The following PARVA variants were observed in gnomAD, a reference collection of about 807,000 sequenced individuals.
The protein encoded by PARVA is parvin alpha.
Under a neutral mutation model 52.6 loss-of-function variants are expected in PARVA, and 25 were observed. The observed-to-expected ratio is 0.48, with a 90% confidence interval of 0.35 to 0.66. The LOEUF (loss-of-function observed/expected upper bound fraction) is 0.66. PARVA is among the 30% of genes least tolerant of loss of function. The pLI is 0.01. For synonymous variants in PARVA, 185 were observed against 179.1 expected (o/e 1.03, Z -0.26); for missense variants, 373 against 450.9 (o/e 0.83, Z 1.56).
chr11:12,431,179 C>G (rs1940309936), intron 1 of PARVA, among the ~76,000 whole-genome samples: 1 of 152,196 alleles, frequency 6.6e-6, no homozygotes, highest in South Asian at 2.1e-4. Context: ...GTTTCCCATC[C>G]TGTGTAGGCA....
chr11:12,484,507 GT>G (rs1564859262), intron 4 of PARVA, among the ~76,000 whole-genome samples: 4 of 4,358 alleles, frequency 9.2e-4, no homozygotes, highest in African/African-American at 1.0e-3. Context: ...TTGTTTTGGT[GT>G]GTGTGTGTGT....
At chr11:12,481,169 T>C (rs1047591864) in intron 4 of PARVA, among the ~76,000 whole-genome samples, 4 of 152,226 alleles carry the variant, frequency 2.6e-5, no homozygotes, top group African/African-American at 7.2e-5. Flanking sequence ...CCATTTAGAA[T>C]GCATCTGCCG....
chr11:12,489,950 C>T (rs1292392260), intron 4 of PARVA, among the ~76,000 whole-genome samples: 1 of 151,964 alleles, frequency 6.6e-6, no homozygotes, highest in African/African-American at 2.4e-5. Flanking sequence ...GGTGCAGTGG[C>T]TCACGCCTAT....
intron 12 of PARVA, among the ~76,000 whole-genome samples, chr11:12,521,191 A>T (rs542749016): frequency 1.3e-5 from 2 of 152,296 alleles, no homozygotes; most frequent in African/African-American, 4.8e-5. Context: ...CTGGGACCAG[A>T]TGGCAAGCAA....
Position 12,533,225 on chromosome 11 carries a change from G to A in PARVA, c.*5300G>A, listed in dbSNP as rs1941794413. Among the ~76,000 whole-genome samples, 1 of 152,198 alleles carries A rather than the reference G, an allele frequency of 6.6e-6. No individual in the cohort carries two copies. The highest frequency in any genetic ancestry group is 1.5e-5 in the Non-Finnish European group (1 of 68,042). On this transcript the variant is annotated 3_prime_UTR_variant, in exon 13 of 13. Coordinates refer to ENST00000334956, the MANE Select transcript of PARVA (RefSeq NM_018222.5). ...ACGAGGCTGCATGTGTGGAGGGAAT[G>A]AAATAAGGGGCCTACCAGGCCAGAA...
In PARVA at chr11:12,487,986, G is replaced by A. The variant is rs190839606; in HGVS notation, c.401-8472G>A. ...GTATATTATCAGTCTTATTGAAATT[G>A]GTTGAGTGCATATGTAAATTTCAGG... On this transcript the variant is annotated intron_variant, in intron 4 of 12. Transcript: ENST00000334956. 4.9e-3 allele frequency among the ~76,000 whole-genome samples: 747 copies of A among 152,220 alleles called. 7 individuals are homozygous for A. The highest frequency in any genetic ancestry group is 0.02 in the Middle Eastern group (6 of 294).
At position 12,528,563 on chromosome 11, in the gene PARVA, CA is replaced by C. The variant is rs1241614906; in HGVS notation, c.*640del. ...AGTAGACAGTACAACATGTTTATAACAAGCCAATTACATTATGTTCTTTGCA... is the reference window on the plus strand; with the variant it reads ...AGTAGACAGTACAACATGTTTATAACAGCCAATTACATTATGTTCTTTGCA... On this transcript the variant is annotated 3_prime_UTR_variant, in exon 13 of 13. Coordinates refer to ENST00000334956, the MANE Select transcript of PARVA (RefSeq NM_018222.5). 2.0e-5 allele frequency: 3 copies of C among 152,750 alleles called. No homozygotes were observed. Among genetic ancestry groups the C allele is most frequent in the African/African-American group, 7.2e-5 (3 of 41,436 alleles). The allele number at this position is 152,750 out of a possible 1,614,324, so 9.5% of individuals were successfully genotyped here. A position where few individuals can be genotyped will look rare whatever the true frequency, so the allele number is the denominator to read the frequency against.
Position 12,496,309 on chromosome 11 carries a change from C to T in PARVA, c.401-149C>T, listed in dbSNP as rs1941297196. On this transcript the variant is annotated intron_variant, in intron 4 of 12. Transcript: ENST00000334956. ...TAAGGTGATGAGGGGACAGCAGTGT[C>T]CCTCTGCTGGTAGGCATCCAGTATC... 9.1e-6 allele frequency: 5 copies of T among 550,496 alleles called. No individual in the cohort carries two copies. In the East Asian group the frequency reaches 2.0e-4, roughly 22 times the overall value. 34.1% of individuals were successfully genotyped at this position (550,496 alleles called of 1,614,324 possible).
At chr11:12,412,288 A>G (rs1940001848) in intron 1 of PARVA, among the ~76,000 whole-genome samples, 1 of 152,242 alleles carries the variant, frequency 6.6e-6, no homozygotes, top group East Asian at 1.9e-4. Context: ...TCTTGATGTT[A>G]GAGAAAGGTG....
chr11:12,439,383 C>T (rs1940430859), intron 1 of PARVA, among the ~76,000 whole-genome samples: 1 of 152,234 alleles, frequency 6.6e-6, no homozygotes, highest in Non-Finnish European at 1.5e-5. Flanking sequence ...CTTCCATTAC[C>T]TCCTGTGGAC....
Position 12,528,917 on chromosome 11 carries a change from G to C in PARVA, c.*992G>C, listed in dbSNP as rs1198982493. The stretch of plus-strand genomic sequence containing the variant: ...CATTTTGCAGCCTTTTTGCTTGATT[G>C]CATGTAATGGAAATGCCCTATATTT... On this transcript the variant is annotated 3_prime_UTR_variant, in exon 13 of 13. Coordinates refer to ENST00000334956, the MANE Select transcript of PARVA (RefSeq NM_018222.5). 2 of 152,604 alleles carry C rather than the reference G, an allele frequency of 1.3e-5. No individual in the cohort carries two copies. Among genetic ancestry groups the C allele is most frequent in the Non-Finnish European group, 2.9e-5 (2 of 68,032 alleles). The allele number at this position is 152,604 out of a possible 1,614,324, so 9.5% of individuals were successfully genotyped here. A position where few individuals can be genotyped will look rare whatever the true frequency, so the allele number is the denominator to read the frequency against.
At chr11:12,495,305 G>A (rs889159054) in intron 4 of PARVA, among the ~76,000 whole-genome samples, 1 of 152,116 alleles carries the variant, frequency 6.6e-6, no homozygotes, top group Non-Finnish European at 1.5e-5. Flanking sequence ...TCTCCATTGG[G>A]CAACTTTATC....
intron 1 of PARVA, among the ~76,000 whole-genome samples, chr11:12,433,083 T>C (rs1386027028): frequency 6.6e-6 from 1 of 152,192 alleles, no homozygotes; most frequent in Non-Finnish European, 1.5e-5. Context: ...ATTTGAAGAA[T>C]AAAATACACC....
intron 1 of PARVA, among the ~76,000 whole-genome samples, chr11:12,472,385 T>C (rs1940945829): frequency 1.3e-5 from 2 of 152,334 alleles, no homozygotes; most frequent in South Asian, 4.1e-4. Context: ...TTCTGTCATG[T>C]TTTATGGAGA....
chr11:12,413,222 T>G (rs10831811), intron 1 of PARVA, among the ~76,000 whole-genome samples: 80,864 of 151,920 alleles, frequency 0.53, 22,027 homozygotes, highest in African/African-American at 0.66. Flanking sequence ...CCGGGAACAT[T>G]GCATGATTTG....
chr11:12,454,103 TC>T (rs1309286152), intron 1 of PARVA, among the ~76,000 whole-genome samples: 1 of 152,006 alleles, frequency 6.6e-6, no homozygotes, highest in Non-Finnish European at 1.5e-5. Flanking sequence ...GATCCAGAGG[TC>T]ACAAGCAACC....
rs1202794656 is a variant in PARVA, at chr11:12,528,794, G to A, written c.*869G>A. 1 of 152,346 alleles carries A rather than the reference G, an allele frequency of 6.6e-6. No individual in the cohort carries two copies. Among genetic ancestry groups the A allele is most frequent in the Non-Finnish European group, 1.5e-5 (1 of 68,032 alleles). 9.4% of individuals were successfully genotyped at this position (152,346 alleles called of 1,614,324 possible). On this transcript the variant is annotated 3_prime_UTR_variant, in exon 13 of 13. Transcript: ENST00000334956. ...TGTCCCTCACATCCTTTGTACAAAT[G>A]AAAATTACTCTTAATTCCTTCAGAT...
At position 12,413,238 on chromosome 11, in the gene PARVA, G is replaced by C. The variant is rs115427538; in HGVS notation, c.136+35455G>C. Among the ~76,000 whole-genome samples the C allele has an allele frequency of 4.2e-3, 637 of 152,294 alleles. 5 individuals are homozygous for C. Among genetic ancestry groups the C allele is most frequent in the African/African-American group, 0.014 (600 of 41,562 alleles). ...CGGGAACATTGCATGATTTGTTAAG[G>C]CTAGAAATCAGATTCTGTCCAGCTT... On this transcript the variant is annotated intron_variant, in intron 1 of 12. Transcript: ENST00000334956.
At chr11:12,412,102 C>G (rs1940000031) in intron 1 of PARVA, among the ~76,000 whole-genome samples, 1 of 152,212 alleles carries the variant, frequency 6.6e-6, no homozygotes, top group African/African-American at 2.4e-5. Context: ...GAGACTGACA[C>G]TGTCCCTAGG....
Sources: gnomAD v4.1 joint callset for allele counts (sites outside exome capture counted in the v4.1 genomes callset) on GRCh38, gnomAD v4.1.1 for gene constraint, MANE v1.5 for transcripts, NCBI Gene and HGNC (gene_info 2026-07-23, HGNC 2026-07-21) for gene names.